The following MYO10 variants were observed in gnomAD, a reference collection of about 807,000 sequenced individuals.
The protein encoded by MYO10 is myosin X.
MYO10 carries 133 observed loss-of-function variants against 257.3 expected under a neutral mutation model. The observed-to-expected ratio is 0.52, with a 90% CI of 0.45 to 0.60. The LOEUF (loss-of-function observed/expected upper bound fraction) is 0.60, where lower values mean the gene tolerates loss of function less well. Among genes scored for constraint, MYO10 ranks in the 20% least tolerant of loss-of-function variants. The pLI is 0.00. For missense variants in MYO10, 2,399 were observed against 2,635.7 expected, an observed-to-expected ratio of 0.91 and a Z score of 1.97; for synonymous variants, 1,104 against 1,028.6, an observed-to-expected ratio of 1.07 and a Z score of -1.40.
At chr5:16,780,485 A>T in intron 8 of MYO10, 39 bp downstream of exon 8, 5 of 1,471,288 alleles carry the variant, frequency 3.4e-6, no homozygotes, top group Non-Finnish European at 4.7e-6. Flanking sequence ...ATGGAAAATG[A>T]GTTGCTAGTC....
Position 16,863,160 on chromosome 5 carries a change from G to A in MYO10, c.120+14449C>T, listed in dbSNP as rs575475174. Among the ~76,000 whole-genome samples the A allele has an allele frequency of 2.3e-3, 351 of 152,282 alleles. 3 individuals are homozygous for A. Among genetic ancestry groups the A allele is most frequent in the African/African-American group, 8.1e-3 (335 of 41,544 alleles). ...CAAAGGAGAACAGGAAACCAAAGAA[G>A]GTCACGACCCAGGGCACAGGCCATT... On this transcript the variant is annotated intron_variant, in intron 2 of 40. Coordinates refer to ENST00000513610, the MANE Select transcript of MYO10 (RefSeq NM_012334.3).
chr5:16,845,524 C>T (rs910703555), intron 2 of MYO10, among the ~76,000 whole-genome samples: 5 of 151,982 alleles, frequency 3.3e-5, no homozygotes, highest in African/African-American at 1.2e-4. Flanking sequence ...AAAACTTAGC[C>T]GGCGTAATGG....
At chr5:16,902,210 T>TC in intron 1 of MYO10, 1 of 644,342 alleles carries the variant, frequency 1.6e-6, no homozygotes, top group African/African-American at 1.8e-5. Context: ...CAGGCCCGGC[T>TC]AATTTTTTTT....
At chr5:16,866,615 C>T (rs1209247750) in intron 2 of MYO10, among the ~76,000 whole-genome samples, 1 of 152,014 alleles carries the variant, frequency 6.6e-6, no homozygotes, top group Non-Finnish European at 1.5e-5. Context: ...ATGCAAATGA[C>T]CTCCTGTTTC....
intron 1 of MYO10, among the ~76,000 whole-genome samples, chr5:16,896,755 G>A (rs952804361): frequency 6.6e-6 from 1 of 152,136 alleles, no homozygotes; most frequent in Non-Finnish European, 1.5e-5. Flanking sequence ...GGGTGCAGTG[G>A]GGTGGCAGGG....
rs111411163 is a variant in MYO10 at position 16,685,450 on chromosome 5, G to C, written c.3990+288C>G. ...TGGTCTTGAACTCCTGGCCTCAAAT[G>C]ATCCTCCCACCTCAGCCTCCCAAAG... is the stretch of plus-strand genomic sequence containing the variant. On this transcript the variant is annotated intron_variant, in intron 29 of 40. Coordinates refer to ENST00000513610, the MANE Select transcript of MYO10 (RefSeq NM_012334.3). Among the ~76,000 whole-genome samples the C allele has an allele frequency of 3.0e-3, 457 of 151,990 alleles. 4 individuals are homozygous for C. Among genetic ancestry groups the C allele is most frequent in the African/African-American group, 0.011 (436 of 41,466 alleles).
At chr5:16,670,370 G>A (rs948928901) in intron 39 of MYO10, among the ~76,000 whole-genome samples, 156 bp downstream of exon 39, 1 of 152,156 alleles carries the variant, frequency 6.6e-6, no homozygotes, top group Non-Finnish European at 1.5e-5. Context: ...GTGAGGAGAA[G>A]GGAGGCGTTA....
chr5:16,687,209 T>G (rs1227491239), intron 28 of MYO10, among the ~76,000 whole-genome samples: 1 of 151,600 alleles, frequency 6.6e-6, no homozygotes, highest in African/African-American at 2.4e-5. Context: ...TAGTCCCAGC[T>G]ACTCGGGAGG....
intron 1 of MYO10, among the ~76,000 whole-genome samples, chr5:16,886,392 C>G (rs1744898393): frequency 6.6e-6 from 1 of 152,192 alleles, no homozygotes. Flanking sequence ...GCAAGAACAA[C>G]TGTCCCGTGC....
At chr5:16,730,283 G>A (rs1579920280) in intron 19 of MYO10, among the ~76,000 whole-genome samples, 1 of 152,136 alleles carries the variant, frequency 6.6e-6, no homozygotes, top group Non-Finnish European at 1.5e-5. Flanking sequence ...TAACCGTGTA[G>A]GTCATTATTG....
chr5:16,693,070 C>T (rs1186858935), intron 27 of MYO10, among the ~76,000 whole-genome samples: 1 of 152,134 alleles, frequency 6.6e-6, no homozygotes, highest in Non-Finnish European at 1.5e-5. Flanking sequence ...AGTTTGAGAC[C>T]AGCCTGGGCA....
chr5:16,763,394 T>C (rs1173985706), intron 14 of MYO10, 87 bp downstream of exon 14: 1 of 1,004,222 alleles, frequency 1.0e-6, no homozygotes, highest in Non-Finnish European at 1.6e-6. Flanking sequence ...GATGTGCGTG[T>C]TCGTGCACGT....
Position 16,701,725 on chromosome 5 carries a change from G to C in MYO10, c.2670C>G (p.Ile890Met). Residue 890 changes from isoleucine to methionine, a missense_variant, in exon 25 of 41, where the codon ATC (isoleucine) becomes ATG (methionine). Around this residue, in one of 3 missense-constraint regions of MYO10, gnomAD observed 1,820 missense variants for 1,939.4 expected, o/e 0.94. Coordinates refer to ENST00000513610, the MANE Select transcript of MYO10 (RefSeq NM_012334.3). This position sits in a 1 kb window ranked among gnomAD's most constrained non-coding sequence, Gnocchi z 8.1. ...CCTCGATTTCTTTCTCCAGACGGAG[G>C]ATCTCTTCCACCTGCTTATTTTCCT... ...KQKENKQVEE[I>M]LRLEKEIEDL... The C allele has an allele frequency of 6.2e-7, 1 of 1,613,966 alleles. No individual in the cohort carries two copies. The highest frequency in any genetic ancestry group is 8.5e-7 in the Non-Finnish European group (1 of 1,179,888).
chr5:16,832,662 T>C (rs1743194664), intron 2 of MYO10, among the ~76,000 whole-genome samples: 1 of 152,166 alleles, frequency 6.6e-6, no homozygotes, highest in Non-Finnish European at 1.5e-5. Flanking sequence ...AGAACCCCTT[T>C]TGGAGCCCTG....
chr5:16,793,309 A>G (rs1002426777), intron 4 of MYO10, among the ~76,000 whole-genome samples: 1 of 152,202 alleles, frequency 6.6e-6, no homozygotes, highest in African/African-American at 2.4e-5. Flanking sequence ...AATGTTAATA[A>G]TAAAAATTAA....
intron 1 of MYO10, among the ~76,000 whole-genome samples, chr5:16,906,937 C>A (rs1169681943): frequency 6.6e-6 from 1 of 152,172 alleles, no homozygotes; most frequent in Non-Finnish European, 1.5e-5. Flanking sequence ...CACGATGAAA[C>A]CCCGTCTCTA....
At chr5:16,716,447 T>C in intron 19 of MYO10, among the ~76,000 whole-genome samples, 1 of 139,864 alleles carries the variant, frequency 7.1e-6, no homozygotes, top group East Asian at 2.4e-4. Context: ...TATCAATGAA[T>C]CCAATTGCCC....
At chr5:16,864,709 C>G (rs1387978937) in intron 2 of MYO10, among the ~76,000 whole-genome samples, 1 of 152,164 alleles carries the variant, frequency 6.6e-6, no homozygotes, top group Non-Finnish European at 1.5e-5. Context: ...AATAAACAAG[C>G]AGACGAGTTT....
At chr5:16,721,579 G>A (rs998032083) in intron 19 of MYO10, among the ~76,000 whole-genome samples, 3 of 152,212 alleles carry the variant, frequency 2.0e-5, no homozygotes, top group African/African-American at 7.2e-5. Flanking sequence ...GAACAGGAAG[G>A]TAGTAAGCAG....
Sources: allele counts gnomAD v4.1 joint callset (sites outside exome capture counted in the v4.1 genomes callset), GRCh38; gene constraint gnomAD v4.1.1; regional missense constraint gnomAD v4.1.1; non-coding constraint Gnocchi (gnomAD v3.1); transcripts MANE v1.5; gene names NCBI Gene and HGNC (gene_info 2026-07-23, HGNC 2026-07-21).